The following CDH8 variants were observed in gnomAD, a reference collection of about 807,000 sequenced individuals.
CDH8 encodes cadherin 8, also known as cadherin-8.
CDH8 carries 17 observed loss-of-function variants against 68.1 expected under a neutral mutation model. The observed-to-expected ratio is 0.25, with a 90% CI of 0.17 to 0.37. CDH8 has a LOEUF of 0.37. CDH8 is among the 10% of genes least tolerant of loss of function. CDH8 has a pLI of 1.00. For synonymous variants in CDH8, 372 were observed against 365.1 expected, an observed-to-expected ratio of 1.02 and a Z score of -0.21; for missense variants, 763 against 999.3, an observed-to-expected ratio of 0.76 and a Z score of 3.19.
At chr16:61,960,346 CAT>C (rs34932712) in intron 2 of CDH8, among the ~76,000 whole-genome samples, 6,687 of 57,846 alleles carry the variant, frequency 0.12, 2,071 homozygotes, top group South Asian at 0.24. Context: ...CACATATATA[CAT>C]GTGTGTGTGT....
At chr16:61,768,367 T>TCTCTCTCTCTCTCTCTCC (rs1567461178) in intron 8 of CDH8, among the ~76,000 whole-genome samples, 13 of 80,638 alleles carry the variant, frequency 1.6e-4, no homozygotes, top group Non-Finnish European at 2.4e-4. Flanking sequence ...TCTCTCTCTC[T>TCTCTCTCTCTCTCTCTCC]CCCTTTCTCT....
At chr16:61,975,341 C>G (rs748029842) in intron 2 of CDH8, among the ~76,000 whole-genome samples, 4 of 152,154 alleles carry the variant, frequency 2.6e-5, no homozygotes, top group Non-Finnish European at 5.9e-5. Flanking sequence ...AGGAGGAAAT[C>G]AATATTGTCA....
intron 3 of CDH8, among the ~76,000 whole-genome samples, chr16:61,888,863 C>T (rs1369491344): frequency 6.6e-6 from 1 of 152,132 alleles, no homozygotes; most frequent in Non-Finnish European, 1.5e-5. Flanking sequence ...ATTTCCTGAA[C>T]TCAAACCACT....
At chr16:61,979,384 G>A (rs758978861) in intron 2 of CDH8, among the ~76,000 whole-genome samples, 4 of 152,108 alleles carry the variant, frequency 2.6e-5, no homozygotes, top group Non-Finnish European at 4.4e-5. Flanking sequence ...TTTATTTACA[G>A]AGCAACATAA....
intron 2 of CDH8, among the ~76,000 whole-genome samples, chr16:61,924,818 C>T (rs534102512): frequency 3.9e-5 from 6 of 151,990 alleles, no homozygotes; most frequent in Non-Finnish European, 7.4e-5. Flanking sequence ...TAAATAAAAA[C>T]GGTTTAAATA....
chr16:61,736,777 A>G (rs1959698984), intron 8 of CDH8, among the ~76,000 whole-genome samples: 1 of 152,200 alleles, frequency 6.6e-6, no homozygotes, highest in African/African-American at 2.4e-5. Context: ...CTAATCAGAT[A>G]AGCTTCTAAG....
chr16:61,830,627 G>C (rs1343485474), intron 4 of CDH8, among the ~76,000 whole-genome samples: 6 of 151,658 alleles, frequency 4.0e-5, no homozygotes, highest in African/African-American at 1.5e-4. Flanking sequence ...CATGTCCCTA[G>C]CATGCTTACA....
At chr16:61,837,668 T>C (rs181958511) in intron 4 of CDH8, among the ~76,000 whole-genome samples, 4 of 152,184 alleles carry the variant, frequency 2.6e-5, no homozygotes, top group Admixed American at 2.6e-4. Context: ...GGTTCCAGCC[T>C]TTCCCTTTAT....
At chr16:61,897,353 A>G (rs1963885628) in intron 3 of CDH8, among the ~76,000 whole-genome samples, 3 of 151,990 alleles carry the variant, frequency 2.0e-5, no homozygotes, top group Non-Finnish European at 2.9e-5. Context: ...CCCAGGTTCA[A>G]GTGAACCCCC....
chr16:61,724,398 T>C (rs934753314), intron 9 of CDH8, among the ~76,000 whole-genome samples: 1 of 150,818 alleles, frequency 6.6e-6, no homozygotes, highest in African/African-American at 2.4e-5. Context: ...GAATTGTCTA[T>C]GCTCATGTTG....
intron 2 of CDH8, among the ~76,000 whole-genome samples, chr16:61,980,749 C>A (rs979709235): frequency 3.9e-5 from 6 of 152,126 alleles, no homozygotes; most frequent in Non-Finnish European, 7.4e-5. Flanking sequence ...GAAAAGTTTG[C>A]CAACTTCTGA....
Position 61,651,046 on chromosome 16 carries a change from G to A in CDH8, c.*2562C>T, listed in dbSNP as rs1963311979. The A allele has an allele frequency of 6.6e-6, 1 of 152,018 alleles. No homozygotes were observed. The highest frequency in any genetic ancestry group is 1.5e-5 in the Non-Finnish European group (1 of 68,012). The allele number at this position is 152,018 out of a possible 1,614,324, so 9.4% of individuals were successfully genotyped here. A position where few individuals can be genotyped will look rare whatever the true frequency, so the allele number is the denominator to read the frequency against. On this transcript the variant is annotated 3_prime_UTR_variant, in exon 12 of 12. Coordinates refer to ENST00000577390, the MANE Select transcript of CDH8 (RefSeq NM_001796.5). ...ATCCTGTTGATTACCAATATTTGAG[G>A]ATACAGATTTTATACTCCTTAAAAA...
At chr16:61,977,833 C>A (rs1965465221) in intron 2 of CDH8, among the ~76,000 whole-genome samples, 1 of 152,160 alleles carries the variant, frequency 6.6e-6, no homozygotes, top group African/African-American at 2.4e-5. Context: ...TTAAAAATTT[C>A]TTCACAACCA....
chr16:61,772,689 G>A (rs1442286363), intron 8 of CDH8, among the ~76,000 whole-genome samples: 1 of 151,920 alleles, frequency 6.6e-6, no homozygotes, highest in Non-Finnish European at 1.5e-5. Flanking sequence ...CTCTAATACA[G>A]GTTTAGTTTT....
chr16:61,954,205 A>G (rs1964945981), intron 2 of CDH8, among the ~76,000 whole-genome samples: 1 of 152,010 alleles, frequency 6.6e-6, no homozygotes. Context: ...TTGGTTGTTC[A>G]GCTCTCATCT....
intron 7 of CDH8, among the ~76,000 whole-genome samples, chr16:61,794,017 T>C (rs1165291840): frequency 6.6e-6 from 1 of 152,074 alleles, no homozygotes; most frequent in East Asian, 1.9e-4. Context: ...TGAACATATC[T>C]TAGACACCTA....
intron 3 of CDH8, among the ~76,000 whole-genome samples, chr16:61,897,417 T>A (rs542008438): frequency 6.6e-6 from 1 of 152,310 alleles, no homozygotes; most frequent in Non-Finnish European, 1.5e-5. Context: ...CACACCCAGC[T>A]AATTTTTGTA....
intron 7 of CDH8, among the ~76,000 whole-genome samples, chr16:61,796,235 G>A (rs1161402756): frequency 6.6e-6 from 1 of 151,966 alleles, no homozygotes; most frequent in African/African-American, 2.4e-5. Flanking sequence ...ACATTGAAAA[G>A]GCTAATGAGT....
intron 2 of CDH8, among the ~76,000 whole-genome samples, chr16:62,006,551 A>G (rs1965979065): frequency 2.0e-5 from 3 of 152,202 alleles, no homozygotes; most frequent in Admixed American, 2.0e-4. Context: ...CCTGGAAGGT[A>G]CTAGGTAGTC....
Sources: allele counts gnomAD v4.1 joint callset (sites outside exome capture counted in the v4.1 genomes callset), GRCh38; gene constraint gnomAD v4.1.1; transcripts MANE v1.5; gene names NCBI Gene and HGNC (gene_info 2026-07-23, HGNC 2026-07-21).